Variants in MUC3A observed in about 807,000 individuals in gnomAD.
MUC3A encodes the protein mucin-3A.
A neutral mutation model predicts 109.0 loss-of-function variants in MUC3A; 109 were observed. The observed-to-expected ratio is 1.00, with a 90% confidence interval of 0.86 to 1.17. The LOEUF is 1.17. Ranked by LOEUF, MUC3A falls within the 50% of genes most tolerant of loss-of-function variation. The pLI, the probability that MUC3A is intolerant of heterozygous loss-of-function variation, is 0.00. For missense variants in MUC3A, 3,537 were observed against 2,469.4 expected (o/e 1.43, Z -9.16); for synonymous variants, 1,398 against 981.4 (o/e 1.42, Z -7.93).
chr7:100,958,215 T>A lies in MUC3A; in HGVS notation c.6436T>A (p.Ser2146Thr). 12 of 749,466 alleles carry A rather than the reference T, an allele frequency of 1.6e-5. No homozygotes were observed. The highest frequency in any genetic ancestry group is 5.4e-5 in the East Asian group (2 of 37,340). The allele number at this position is 749,466 out of a possible 1,614,324, so 46.4% of individuals were successfully genotyped here. A position where few individuals can be genotyped will look rare whatever the true frequency, so the allele number is the denominator to read the frequency against. The part of the protein sequence containing the change: ...NATHSTPNFT[S>T]SITTTETTSH... The stretch of plus-strand genomic sequence containing the variant: ...CACACACAGTACTCCCAACTTCACT[T>A]CTTCAATCACCACCACCGAGACCAC... The change falls in exon 2 of 12, where the codon TCT becomes ACT. Residue 2146 changes from serine (S) to threonine (T), a missense_variant. By Grantham distance (58) the Ser-to-Thr change is moderately conservative. Coordinates refer to ENST00000379458, the MANE Select transcript of MUC3A (RefSeq NM_005960.2).
At position 100,959,587 on chromosome 7, in the gene MUC3A, G is replaced by A. The variant is rs1227970129; in HGVS notation, c.7808G>A (p.Ser2603Asn). Residue 2603 changes from serine (S) to asparagine (N), a missense_variant, in exon 2 of 12, where the codon AGT becomes AAT. Coordinates refer to ENST00000379458, the MANE Select transcript of MUC3A (RefSeq NM_005960.2). ...GCACCTACTACTGTCACCTTTGGAA[G>A]TACGGATTCCTCCACGTCCACTCTT... Reference protein sequence around the residue: ...SPAPTTVTFGSTDSSTSTLHT... With the variant: ...SPAPTTVTFGNTDSSTSTLHT... 1 of 1,596,514 alleles carries A rather than the reference G, an allele frequency of 6.3e-7. No individual in the cohort carries two copies. Among genetic ancestry groups the A allele is most frequent in the Non-Finnish European group, 8.5e-7 (1 of 1,178,694 alleles).
chr7:100,965,384 G>A (rs1217750647), intron 7 of MUC3A, 37 bp downstream of exon 7: 1 of 1,585,174 alleles, frequency 6.3e-7, no homozygotes, highest in Non-Finnish European at 8.5e-7. Context: ...GTCTCCCGCG[G>A]CTATGATCCG....
Position 100,966,488 on chromosome 7 carries a change from G to A in MUC3A, c.9714G>A (p.Leu3238=). 7.6e-7 allele frequency: 1 copy of A among 1,318,282 alleles called. No individual in the cohort carries two copies. The highest frequency in any genetic ancestry group is 9.6e-7 in the Non-Finnish European group (1 of 1,043,562). 81.7% of individuals were successfully genotyped at this position (1,318,282 alleles called of 1,614,324 possible). ...VGGLTAGAAL[L]VLLLLALGVR... The stretch of plus-strand genomic sequence containing the variant: ...GCCTGACGGCCGGCGCCGCGCTGCT[G>A]GTGCTGCTGCTGCTGGCGCTGGGCG... The change falls in exon 9 of 12, where the codon CTG becomes CTA. Residue 3238 remains leucine (L), a synonymous_variant. Transcript: ENST00000379458.
intron 8 of MUC3A, 99 bp from the exon 9 acceptor site, chr7:100,966,287 C>A: frequency 2.1e-6 from 2 of 968,230 alleles, no homozygotes; most frequent in Non-Finnish European, 2.5e-6. Flanking sequence ...CTGCCCTAGG[C>A]TGGAGCCCCG....
chr7:100,966,049 T>TCGCCCTAAACTGTAGCCCCGCCTCC, intron 8 of MUC3A, 183 bp downstream of exon 8: 1 of 855,048 alleles, frequency 1.2e-6, no homozygotes, highest in Non-Finnish European at 1.7e-6. Flanking sequence ...GCTCTGCTCC[T>TCGCCCTAAACTGTAGCCCCGCCTCC]TTGATGGGGT....
chr7:100,963,805 G>A (rs536620303), intron 5 of MUC3A, 53 bp downstream of exon 5: 16 of 1,595,206 alleles, frequency 1.0e-5, no homozygotes, highest in African/African-American at 4.0e-5. Flanking sequence ...GGAAATGTGC[G>A]CACACAAAAA....
At chr7:100,963,088 G>T (rs1792393591) in intron 3 of MUC3A, 63 bp from the exon 4 acceptor site, 9 of 1,551,768 alleles carry the variant, frequency 5.8e-6, no homozygotes, top group Non-Finnish European at 6.9e-6. Flanking sequence ...TGGGGTGGTG[G>T]TGTTGGTGGC....
Position 100,955,412 on chromosome 7 carries a change from C to G in MUC3A, c.3633C>G (p.Thr1211=). 1.1e-5 allele frequency: 5 copies of G among 440,182 alleles called. No individual in the cohort carries two copies. The highest frequency in any genetic ancestry group is 1.2e-5 in the Non-Finnish European group (3 of 246,388). The allele number at this position is 440,182 out of a possible 1,614,324, so 27.3% of individuals were successfully genotyped here. A position where few individuals can be genotyped will look rare whatever the true frequency, so the allele number is the denominator to read the frequency against. The change falls in exon 2 of 12, where the codon ACC becomes ACG. Residue 1211 remains threonine (T), a synonymous_variant. Coordinates refer to ENST00000379458, the MANE Select transcript of MUC3A (RefSeq NM_005960.2). ...TCACCTACCCTTCTGTGGGCTCTAC[C>G]GGTTTCCTGACTACAGCAACAGACC... ...TTITYPSVGS[T]GFLTTATDLT... is the part of the protein sequence containing the mutation.
intron 5 of MUC3A, 167 bp downstream of exon 5, chr7:100,963,919 A>G: frequency 1.1e-6 from 1 of 950,312 alleles, no homozygotes; most frequent in Non-Finnish European, 1.6e-6. Context: ...TTCTGGGGCC[A>G]TTTATCTGGA....
intron 6 of MUC3A, 131 bp downstream of exon 6, chr7:100,964,974 G>A: frequency 7.9e-6 from 11 of 1,398,900 alleles, no homozygotes; most frequent in South Asian, 1.4e-5. Context: ...AGGGGAATAA[G>A]TCCACACACA....
chr7:100,966,008 C>T, intron 8 of MUC3A, 142 bp downstream of exon 8: 1 of 1,350,002 alleles, frequency 7.4e-7, no homozygotes, highest in Admixed American at 2.8e-5. Flanking sequence ...AAGCCCATCC[C>T]CGTTGCCCTA....
At chr7:100,966,580 G>A in intron 9 of MUC3A, 21 bp downstream of exon 9, 1 of 1,573,158 alleles carries the variant, frequency 6.4e-7, no homozygotes, top group Non-Finnish European at 8.6e-7. Context: ...GGGGGGCGGG[G>A]CCGGGGGGCG....
In MUC3A at chr7:100,956,261, T is replaced by A; in HGVS notation, c.4482T>A (p.Ser1494=). 3.8e-6 allele frequency: 2 copies of A among 528,750 alleles called. No homozygotes were observed. The highest frequency in any genetic ancestry group is 6.7e-6 in the Non-Finnish European group (2 of 299,844). 32.8% of individuals were successfully genotyped at this position (528,750 alleles called of 1,614,324 possible). A position where few individuals can be genotyped will look rare whatever the true frequency, so the allele number is the denominator to read the frequency against. Residue 1494 remains serine, a synonymous_variant, in exon 2 of 12, where the codon TCT becomes TCA. Coordinates refer to ENST00000379458, the MANE Select transcript of MUC3A (RefSeq NM_005960.2). ...TMTETSSTAT[S]LPPTSSLVST... The stretch of plus-strand genomic sequence containing the variant: ...CAGAGACATCATCTACTGCCACCTC[T>A]CTTCCACCCACCTCTTCCTTGGTCT...
Position 100,960,919 on chromosome 7 carries a change from G to A in MUC3A, c.9034G>A (p.Val3012Met), listed in dbSNP as rs908187331. ...CTATGGTTCCAGTTGTGAGTTTGCT[G>A]TGGAACAGGTGGATCTAGGTGAGTT... is the stretch of plus-strand genomic sequence containing the variant. ...TFYGSSCEFAVEQVDLDVVET... is the reference protein window; with the variant it reads ...TFYGSSCEFAMEQVDLDVVET... The change falls in exon 3 of 12, where the codon GTG becomes ATG. Residue 3012 changes from valine to methionine, a missense_variant. Val to Met is a conservative substitution (Grantham distance 21). Coordinates refer to ENST00000379458, the MANE Select transcript of MUC3A (RefSeq NM_005960.2). The A allele has an allele frequency of 2.5e-6, 4 of 1,598,540 alleles. No individual in the cohort carries two copies. Among genetic ancestry groups the A allele is most frequent in the Middle Eastern group, 1.7e-4 (1 of 6,060 alleles).
rs764956210 is a variant in MUC3A at position 100,952,230 on chromosome 7, G to T, written c.451G>T (p.Val151Leu). Residue 151 changes from valine (V) to leucine (L), a missense_variant, in exon 2 of 12, where the codon GTG (valine) becomes TTG (leucine). By Grantham distance (32) the Val-to-Leu change is conservative. Coordinates refer to ENST00000379458, the MANE Select transcript of MUC3A (RefSeq NM_005960.2). The stretch of plus-strand genomic sequence containing the variant: ...CTCCATCTGTGTGACCACGACGCAG[G>T]TGGCCTTCACCAGCTCTTACACCTC... ...PTSICVTTTQVAFTSSYTSTP... is the reference protein window; with the variant it reads ...PTSICVTTTQLAFTSSYTSTP... 1 of 1,598,542 alleles carries T rather than the reference G, an allele frequency of 6.3e-7. No homozygotes were observed. The highest frequency in any genetic ancestry group is 2.2e-5 in the East Asian group (1 of 44,890).
At chr7:100,965,661 G>T in intron 7 of MUC3A, 43 bp from the exon 8 acceptor site, 1 of 1,575,264 alleles carries the variant, frequency 6.3e-7, no homozygotes, top group Non-Finnish European at 8.6e-7. Flanking sequence ...GAATAGAATG[G>T]ATGAGGTCCT....
At position 100,954,386 on chromosome 7, in the gene MUC3A, A is replaced by T. The variant is rs929874694; in HGVS notation, c.2607A>T (p.Thr869=). 7 of 401,324 alleles carry T rather than the reference A, an allele frequency of 1.7e-5. No homozygotes were observed. The highest frequency in any genetic ancestry group is 1.4e-4 in the African/African-American group (7 of 48,692). 24.9% of individuals were successfully genotyped at this position (401,324 alleles called of 1,614,324 possible). A position where few individuals can be genotyped will look rare whatever the true frequency, so the allele number is the denominator to read the frequency against. ...CCTCATCTCCCACTGTCCAGAATAC[A>T]GAAATCTCAATCTCTGTTAGCATGA... is the stretch of plus-strand genomic sequence containing the variant. ...VIPSSPTVQN[T]EISISVSMTS... The change falls in exon 2 of 12, where the codon ACA becomes ACT. Residue 869 remains threonine, a synonymous_variant. Coordinates refer to ENST00000379458, the MANE Select transcript of MUC3A (RefSeq NM_005960.2).
rs1207979933 is a variant in MUC3A at position 100,956,707 on chromosome 7, C to A, written c.4928C>A (p.Thr1643Lys). The change falls in exon 2 of 12, where the codon ACA (threonine) becomes AAA (lysine). Residue 1643 changes from threonine to lysine, a missense_variant. Thr to Lys is a moderately conservative substitution (Grantham distance 78, BLOSUM62 -1). Transcript: ENST00000379458. Reference sequence around the variant, plus strand: ...ACTCCCAGTGGAGGACCAACTTTCACAAGTACTGAGAACACTCCAACAAGG... The same window carrying A: ...ACTCCCAGTGGAGGACCAACTTTCAAAAGTACTGAGAACACTCCAACAAGG... ...ATTPSGGPTF[T>K]STENTPTRSL... is the part of the protein sequence containing the mutation. 1.4e-5 allele frequency: 6 copies of A among 418,978 alleles called. No homozygotes were observed. Among genetic ancestry groups the A allele is most frequent in the Non-Finnish European group, 2.5e-5 (6 of 240,048 alleles). The allele number at this position is 418,978 out of a possible 1,614,324, so 26.0% of individuals were successfully genotyped here. A position where few individuals can be genotyped will look rare whatever the true frequency, so the allele number is the denominator to read the frequency against.
chr7:100,961,290 TG>T (rs1422615661), intron 3 of MUC3A, among the ~76,000 whole-genome samples: 1 of 152,312 alleles, frequency 6.6e-6, no homozygotes, highest in African/African-American at 2.4e-5. Context: ...TGGGTGTCAC[TG>T]GGCTGAAATC....
Sources: gnomAD v4.1 joint callset for allele counts (sites outside exome capture counted in the v4.1 genomes callset) on GRCh38, gnomAD v4.1.1 for gene constraint, MANE v1.5 for transcripts, NCBI Gene and HGNC (gene_info 2026-07-23, HGNC 2026-07-21) for gene names.